MGAT4C: variants seen among roughly 807,000 people sequenced by gnomAD.
MGAT4C encodes the protein alpha-1,3-mannosyl-glycoprotein 4-beta-N-acetylglucosaminyltransferase C.
Under a neutral mutation model 40.1 loss-of-function variants are expected in MGAT4C, and 19 were observed. That is an observed-to-expected ratio of 0.47 (90% CI 0.33 to 0.70). MGAT4C has a LOEUF of 0.70. Among genes scored for constraint, MGAT4C ranks in the 30% least tolerant of loss-of-function variants. The pLI is 0.02. For missense variants in MGAT4C, 491 were observed against 563.2 expected (o/e 0.87, Z 1.30); for synonymous variants, 181 against 187.1 (o/e 0.97, Z 0.27).
chr12:86,515,490 GA>G (rs1958667193), intron 2 of MGAT4C, among the ~76,000 whole-genome samples: 1 of 151,662 alleles, frequency 6.6e-6, no homozygotes, highest in Non-Finnish European at 1.5e-5. Flanking sequence ...CACTAGCAAA[GA>G]ACAACTTAAA....
chr12:86,117,219 A>G (rs886468154), intron 1 of MGAT4C, among the ~76,000 whole-genome samples: 1 of 152,174 alleles, frequency 6.6e-6, no homozygotes, highest in African/African-American at 2.4e-5. Context: ...ACAAAATAAT[A>G]GCATGGGCTA....
chr12:86,760,365 TTTTG>T (rs1295997281), intron 1 of MGAT4C, among the ~76,000 whole-genome samples: 2 of 151,828 alleles, frequency 1.3e-5, no homozygotes, highest in African/African-American at 4.8e-5. Context: ...AGGCACGGAT[TTTTG>T]TTTTTGTTTT....
At chr12:86,621,679 T>C (rs963767625) in intron 2 of MGAT4C, among the ~76,000 whole-genome samples, 3 of 152,102 alleles carry the variant, frequency 2.0e-5, no homozygotes, top group Admixed American at 6.6e-5. Flanking sequence ...GGTCTCACTA[T>C]GTTGTCCAGG....
At chr12:86,522,303 T>C (rs1958808456) in intron 2 of MGAT4C, among the ~76,000 whole-genome samples, 1 of 152,172 alleles carries the variant, frequency 6.6e-6, no homozygotes, top group South Asian at 2.1e-4. Flanking sequence ...TTGAGAGTTT[T>C]TAACATAAAG....
chr12:86,277,020 T>C (rs1953095411), intron 4 of MGAT4C, among the ~76,000 whole-genome samples: 1 of 152,214 alleles, frequency 6.6e-6, no homozygotes, highest in Non-Finnish European at 1.5e-5. Context: ...CTGTTCTCCC[T>C]AGTGGTTGTA....
In MGAT4C at chr12:86,256,263, C is replaced by T. The variant is rs1320787844; in HGVS notation, c.-81G>A. 1.3e-5 allele frequency: 2 copies of T among 152,116 alleles called. No individual in the cohort carries two copies. The highest frequency in any genetic ancestry group is 6.6e-5 in the Admixed American group (1 of 15,250). 9.4% of individuals were successfully genotyped at this position (152,116 alleles called of 1,614,324 possible). A position where few individuals can be genotyped will look rare whatever the true frequency, so the allele number is the denominator to read the frequency against. ...CCAGAGACAGAGAAAACAATTCGTT[C>T]AGCTAGATCCAACAGTGCTCTGTGC... is the stretch of plus-strand genomic sequence containing the variant. On this transcript the variant is annotated 5_prime_UTR_variant, in exon 1 of 5. Coordinates refer to ENST00000611864, the MANE Select transcript of MGAT4C (RefSeq NM_001351288.2).
intron 2 of MGAT4C, among the ~76,000 whole-genome samples, chr12:86,494,400 A>G (rs1958199287): frequency 6.6e-6 from 1 of 151,930 alleles, no homozygotes; most frequent in Non-Finnish European, 1.5e-5. Context: ...ATTTTGTTTC[A>G]ATTTTATTTT....
intron 4 of MGAT4C, among the ~76,000 whole-genome samples, chr12:86,280,271 A>G (rs555556148): frequency 5.9e-5 from 9 of 152,014 alleles, no homozygotes; most frequent in Non-Finnish European, 1.0e-4. Flanking sequence ...ATTGGAGTCT[A>G]TCTCTCTCTT....
chr12:86,277,398 C>T (rs570861868), intron 4 of MGAT4C, among the ~76,000 whole-genome samples: 1 of 152,272 alleles, frequency 6.6e-6, no homozygotes, highest in Non-Finnish European at 1.5e-5. Context: ...TTTAACTTGA[C>T]GTGATCCCCA....
At chr12:86,214,820 C>T (rs1950605018) in intron 1 of MGAT4C, among the ~76,000 whole-genome samples, 1 of 152,180 alleles carries the variant, frequency 6.6e-6, no homozygotes, top group African/African-American at 2.4e-5. Flanking sequence ...CCTCTTTATT[C>T]TCATTGTCCA....
At chr12:86,603,551 A>ATAATATATACT (rs1427435197) in intron 2 of MGAT4C, among the ~76,000 whole-genome samples, 1 of 4,228 alleles carries the variant, frequency 2.4e-4, no homozygotes, top group African/African-American at 3.1e-4. Context: ...GACTATAGAT[A>ATAATATATACT]ATATATAGTC....
intron 1 of MGAT4C, among the ~76,000 whole-genome samples, chr12:86,157,719 C>T (rs1885128605): frequency 6.6e-6 from 1 of 152,152 alleles, no homozygotes; most frequent in Non-Finnish European, 1.5e-5. Context: ...ACACATCTTA[C>T]ATGGTGGCAG....
intron 1 of MGAT4C, among the ~76,000 whole-genome samples, chr12:86,098,375 G>A (rs965438769): frequency 2.6e-5 from 4 of 151,568 alleles, no homozygotes; most frequent in African/African-American, 9.7e-5. Flanking sequence ...CACATACTAT[G>A]AGAAAAGTTT....
chr12:86,222,216 A>T (rs1276619873), intron 1 of MGAT4C, among the ~76,000 whole-genome samples: 1 of 152,200 alleles, frequency 6.6e-6, no homozygotes, highest in Non-Finnish European at 1.5e-5. Context: ...GGAAAGCTAC[A>T]ATACAGATCA....
At chr12:86,683,858 T>C (rs1950025294) in intron 2 of MGAT4C, among the ~76,000 whole-genome samples, 1 of 152,172 alleles carries the variant, frequency 6.6e-6, no homozygotes, top group South Asian at 2.1e-4. Flanking sequence ...GCCTTCCTTC[T>C]TGTTGCAGCT....
intron 1 of MGAT4C, among the ~76,000 whole-genome samples, chr12:86,757,043 C>G (rs1486376303): frequency 2.0e-5 from 3 of 151,966 alleles, no homozygotes; most frequent in Non-Finnish European, 4.4e-5. Flanking sequence ...CCATAAAAAA[C>G]TGATGAGTTC....
chr12:86,483,421 A>G (rs1957968258), intron 2 of MGAT4C, among the ~76,000 whole-genome samples: 1 of 152,116 alleles, frequency 6.6e-6, no homozygotes, highest in African/African-American at 2.4e-5. Flanking sequence ...CTTAGTTTGA[A>G]GTATTTTATA....
intron 3 of MGAT4C, among the ~76,000 whole-genome samples, chr12:86,383,162 T>A (rs1354993323): frequency 2.6e-5 from 4 of 152,000 alleles, no homozygotes; most frequent in African/African-American, 9.7e-5. Flanking sequence ...GCCATAGAGG[T>A]AGAGCTGCCC....
chr12:86,668,014 GA>G (rs1308703479), intron 2 of MGAT4C, among the ~76,000 whole-genome samples: 1 of 152,186 alleles, frequency 6.6e-6, no homozygotes, highest in Non-Finnish European at 1.5e-5. Context: ...CAATTCTTTT[GA>G]CACAATAGCC....
Sources: gnomAD v4.1 joint callset for allele counts (sites outside exome capture counted in the v4.1 genomes callset) on GRCh38, gnomAD v4.1.1 for gene constraint, MANE v1.5 for transcripts, NCBI Gene and HGNC (gene_info 2026-07-23, HGNC 2026-07-21) for gene names.